The following RARB variants were observed in gnomAD, a reference collection of about 807,000 sequenced individuals.
The protein encoded by RARB is HBV-activated protein.
RARB carries 17 observed loss-of-function variants against 51.9 expected under a neutral mutation model. The ratio of observed to expected loss-of-function variants is 0.33; its 90% CI spans 0.22 to 0.49. The LOEUF (loss-of-function observed/expected upper bound fraction) is 0.49. Ranked by LOEUF, RARB falls within the 20% of genes least tolerant of loss-of-function variation. The probability of loss-of-function intolerance (pLI) is 0.99; values close to 1 mark genes in which losing one functional copy is unlikely to be tolerated. For missense variants in RARB, 369 were observed against 550.8 expected (o/e 0.67, Z 3.30); for synonymous variants, 215 against 195.4 (o/e 1.10, Z -0.84).
At chr3:24,992,505 C>G (rs1696934063) in intron 2 of RARB, among the ~76,000 whole-genome samples, 1 of 152,158 alleles carries the variant, frequency 6.6e-6, no homozygotes, top group South Asian at 2.1e-4. Flanking sequence ...AAAAGCACTA[C>G]TGATCTGTTT....
chr3:25,243,597 A>G (rs1702483504), intron 5 of RARB, among the ~76,000 whole-genome samples: 1 of 152,140 alleles, frequency 6.6e-6, no homozygotes, highest in African/African-American at 2.4e-5. Flanking sequence ...TTCTGTTTAT[A>G]TGATGGATTA....
intron 3 of RARB, among the ~76,000 whole-genome samples, chr3:25,548,642 C>CCAA (rs1553631699): frequency 1.4e-5 from 1 of 73,600 alleles, no homozygotes; most frequent in Non-Finnish European, 2.5e-5. Flanking sequence ...CCTCCCCCGA[C>CCAA]AAAAAAAAAA....
At chr3:25,514,629 A>C (rs1347801818) in intron 3 of RARB, among the ~76,000 whole-genome samples, 1 of 152,212 alleles carries the variant, frequency 6.6e-6, no homozygotes, top group African/African-American at 2.4e-5. Context: ...GAAGGGGATT[A>C]TAACGTCAGT....
At chr3:24,849,701 C>T (rs1173119757) in intron 1 of RARB, among the ~76,000 whole-genome samples, 1 of 152,210 alleles carries the variant, frequency 6.6e-6, no homozygotes, top group East Asian at 1.9e-4. Context: ...AAACACTAAA[C>T]AACACTTCAG....
At chr3:25,449,588 G>A (rs1223066925) in intron 1 of RARB, among the ~76,000 whole-genome samples, 1 of 151,972 alleles carries the variant, frequency 6.6e-6, no homozygotes, top group African/African-American at 2.4e-5. Context: ...TCAACATGGG[G>A]GTCAGACCCA....
intron 5 of RARB, among the ~76,000 whole-genome samples, chr3:25,325,938 A>G (rs921579838): frequency 6.6e-6 from 1 of 152,194 alleles, no homozygotes; most frequent in African/African-American, 2.4e-5. Context: ...CAGATTCCAA[A>G]TCACCTGTTG....
intron 5 of RARB, among the ~76,000 whole-genome samples, chr3:25,219,082 C>T (rs1701891631): frequency 1.3e-5 from 2 of 152,186 alleles, no homozygotes; most frequent in South Asian, 4.1e-4. Context: ...TTAGCATCTA[C>T]TATGTGTTAA....
intron 5 of RARB, among the ~76,000 whole-genome samples, chr3:25,388,293 G>C (rs58502752): frequency 0.021 from 3,246 of 152,124 alleles, 99 homozygotes; most frequent in African/African-American, 0.072. Flanking sequence ...GAAAAATTAG[G>C]CATTTAATTT....
chr3:24,996,756 A>T (rs1277347229), intron 2 of RARB, among the ~76,000 whole-genome samples: 2 of 151,970 alleles, frequency 1.3e-5, no homozygotes, highest in African/African-American at 4.8e-5. Flanking sequence ...GTATTTGTAA[A>T]GTTTTGAATG....
At chr3:25,012,284 G>A (rs1227864915) in intron 2 of RARB, among the ~76,000 whole-genome samples, 1 of 152,070 alleles carries the variant, frequency 6.6e-6, no homozygotes, top group Non-Finnish European at 1.5e-5. Flanking sequence ...GATTTTTAAA[G>A]CAGTTTGTTT....
chr3:25,496,727 T>C (rs1017455786), intron 2 of RARB, among the ~76,000 whole-genome samples: 11 of 152,210 alleles, frequency 7.2e-5, no homozygotes, highest in Non-Finnish European at 1.6e-4. Flanking sequence ...AGCATCCATG[T>C]ATGCTTAGAT....
intron 2 of RARB, among the ~76,000 whole-genome samples, chr3:24,974,709 G>T (rs919543681): frequency 6.6e-6 from 1 of 152,070 alleles, no homozygotes; most frequent in African/African-American, 2.4e-5. Flanking sequence ...AATAGAGAAA[G>T]AAATACATAA....
At chr3:25,011,807 T>G (rs1697401062) in intron 2 of RARB, among the ~76,000 whole-genome samples, 1 of 152,068 alleles carries the variant, frequency 6.6e-6, no homozygotes, top group African/African-American at 2.4e-5. Context: ...AGAAGTCTGG[T>G]GTATCTAAGG....
At chr3:25,035,467 A>T (rs1183184779) in intron 2 of RARB, among the ~76,000 whole-genome samples, 1 of 136,836 alleles carries the variant, frequency 7.3e-6, no homozygotes, top group Non-Finnish European at 1.5e-5. Context: ...TAGCTATTCC[A>T]TCATGTGGAT....
At chr3:25,119,196 A>G (rs1040442535) in intron 3 of RARB, among the ~76,000 whole-genome samples, 1 of 152,142 alleles carries the variant, frequency 6.6e-6, no homozygotes, top group East Asian at 1.9e-4. Context: ...ATTCCTCAGA[A>G]TACCTTGGGT....
At chr3:25,300,661 C>T (rs1704018119) in intron 5 of RARB, among the ~76,000 whole-genome samples, 1 of 152,142 alleles carries the variant, frequency 6.6e-6, no homozygotes, top group Non-Finnish European at 1.5e-5. Context: ...TGTATCCCCA[C>T]CGTTTGAGTC....
At chr3:25,047,349 A>G (rs1212034645) in intron 2 of RARB, among the ~76,000 whole-genome samples, 1 of 152,214 alleles carries the variant, frequency 6.6e-6, no homozygotes, top group African/African-American at 2.4e-5. Flanking sequence ...CCCTTTTGGA[A>G]GCGTTCCAGC....
Position 25,596,575 on chromosome 3 carries a change from G to C in RARB, c.1306G>C (p.Val436Leu). 6.2e-7 allele frequency: 1 copy of C among 1,612,016 alleles called. No individual in the cohort carries two copies. Among genetic ancestry groups the C allele is most frequent in the Non-Finnish European group, 8.5e-7 (1 of 1,178,526 alleles). ...CAGTCCTAGCATCTCACCCAGCTCA[G>C]TGGAAAACAGTGGGGTCAGTCAGTC... Reference protein sequence around the residue: ...EHSPSISPSSVENSGVSQSPL... With the variant: ...EHSPSISPSSLENSGVSQSPL... Residue 436 changes from valine to leucine, a missense_variant, in exon 8 of 8, where the codon GTG (valine) becomes CTG (leucine). Physicochemically the swap from Val to Leu is conservative, Grantham distance 32. This residue lies in a region of RARB where 54 missense variants were observed against 43.4 expected (regional missense o/e 1.24). Coordinates refer to ENST00000330688, the MANE Select transcript of RARB (RefSeq NM_000965.5).
chr3:25,081,627 T>A (rs1264102272), intron 3 of RARB, among the ~76,000 whole-genome samples: 261 of 43,006 alleles, frequency 6.1e-3, no homozygotes, highest in Non-Finnish European at 9.2e-3. Flanking sequence ...ATATATTTTT[T>A]TTTTTTTTTT....
Sources: allele counts gnomAD v4.1 joint callset (sites outside exome capture counted in the v4.1 genomes callset), GRCh38; gene constraint gnomAD v4.1.1; regional missense constraint gnomAD v4.1.1; transcripts MANE v1.5; gene names NCBI Gene and HGNC (gene_info 2026-07-23, HGNC 2026-07-21).